CCDC33: variants seen among roughly 807,000 people sequenced by gnomAD.
CCDC33 encodes coiled-coil domain containing 33, also known as coiled-coil domain-containing protein 33.
In CCDC33, 94 loss-of-function variants were observed where a neutral mutation model predicts 91.9. That is an observed-to-expected ratio of 1.02 (90% CI 0.87 to 1.21). The LOEUF (loss-of-function observed/expected upper bound fraction) is 1.21, where lower values mean the gene tolerates loss of function less well. Among genes scored for constraint, CCDC33 ranks in the 50% most tolerant of loss-of-function variants. CCDC33 has a pLI of 0.00. For synonymous variants in CCDC33, 396 were observed against 374.5 expected, an observed-to-expected ratio of 1.06 and a Z score of -0.66; for missense variants, 940 against 935.5, an observed-to-expected ratio of 1.00 and a Z score of -0.06.
At chr15:74,324,553 G>C (rs1272574126) in intron 11 of CCDC33, among the ~76,000 whole-genome samples, 5 of 151,850 alleles carry the variant, frequency 3.3e-5, no homozygotes, top group African/African-American at 1.2e-4. Context: ...TACCTCTCTG[G>C]CAATTGCGCT....
In CCDC33 at chr15:74,268,405, C is replaced by G. The variant is rs781660538; in HGVS notation, c.493C>G (p.Arg165Gly). 21 of 1,592,376 alleles carry G rather than the reference C, an allele frequency of 1.3e-5. No individual in the cohort carries two copies. The highest frequency in any genetic ancestry group is 1.8e-5 in the Non-Finnish European group (21 of 1,169,544). ...AKTQLYATVV[R>G]KSSFIPRYIG... is the part of the protein sequence containing the mutation. ...GACCCAGTTGTACGCAACAGTCGTT[C>G]GGAAGAGCAGCTTCATACCCCGCTA... is the stretch of plus-strand genomic sequence containing the variant. The change falls in exon 5 of 19, where the codon CGG becomes GGG. Residue 165 changes from arginine to glycine, a missense_variant. Coordinates refer to ENST00000398814, the MANE Select transcript of CCDC33 (RefSeq NM_025055.5).
chr15:74,280,580 G>GTGTATAA, intron 8 of CCDC33, 88 bp from the exon 9 acceptor site: 1 of 1,389,292 alleles, frequency 7.2e-7, no homozygotes, highest in Non-Finnish European at 9.5e-7. Flanking sequence ...GCAGGCAGCG[G>GTGTATAA]GAGACAGGAG....
At chr15:74,234,412 C>T (rs138387342), upstream of CCDC33, among the ~76,000 whole-genome samples, 380 of 152,268 alleles carry the variant, frequency 2.5e-3, 2 homozygotes, top group Middle Eastern at 6.8e-3. Flanking sequence ...TAGAGCTCAC[C>T]TTGCTGGAGG....
chr15:74,262,631 A>G (rs1595973158), intron 3 of CCDC33, 58 bp downstream of exon 3: 2 of 1,548,794 alleles, frequency 1.3e-6, no homozygotes, highest in African/African-American at 2.7e-5. Context: ...ACAGCCAAGG[A>G]CTTAGAGCAA....
intron 2 of CCDC33, among the ~76,000 whole-genome samples, chr15:74,211,876 C>A (rs2074372183): frequency 6.6e-6 from 1 of 152,106 alleles, no homozygotes; most frequent in South Asian, 2.1e-4. Context: ...CCTCCTCCTT[C>A]TTTCTCTGTC....
Position 74,244,005 on chromosome 15 carries a change from G to T in CCDC33, c.42G>T (p.Glu14Asp). 1.2e-6 allele frequency: 2 copies of T among 1,612,594 alleles called. No homozygotes were observed. The highest frequency in any genetic ancestry group is 1.7e-6 in the Non-Finnish European group (2 of 1,179,618). Residue 14 changes from glutamate (E) to aspartate (D), a missense_variant, in exon 2 of 19, where the codon GAG becomes GAT. Glu to Asp is a conservative substitution (Grantham distance 45). Transcript: ENST00000398814. This position sits in a 1 kb window ranked among gnomAD's most constrained non-coding sequence, Gnocchi z 4.2. ...CACAGAACACTGAAGACCCAGAGGA[G>T]CCCCTGATCGCCTCCCAGAGCACGG... Reference protein sequence around the residue: ...KNKKNTEDPEEPLIASQSTEP... With the variant: ...KNKKNTEDPEDPLIASQSTEP...
At chr15:74,207,677 G>C (rs947520424) in intron 1 of CCDC33, 1 of 1,533,414 alleles carries the variant, frequency 6.5e-7, no homozygotes, top group African/African-American at 1.4e-5. Flanking sequence ...CAGGAGTGGG[G>C]GGATGGCCAC....
At chr15:74,219,848 C>G (rs1040436289) in intron 2 of CCDC33, among the ~76,000 whole-genome samples, 2 of 152,184 alleles carry the variant, frequency 1.3e-5, no homozygotes, top group African/African-American at 4.8e-5. Context: ...CCATGATACA[C>G]TGGCTAAGAG....
upstream of CCDC33, among the ~76,000 whole-genome samples, chr15:74,232,497 C>T (rs145201801): frequency 2.9e-3 from 443 of 152,274 alleles, 1 homozygote; most frequent in African/African-American, 0.01. Flanking sequence ...GGAAAGTGTG[C>T]CTCTCTCCCA....
Position 74,229,144 on chromosome 15 carries a change from C to G in CCDC33, c.675+10283C>G, listed in dbSNP as rs145302910. On this transcript the variant is annotated intron_variant, in intron 2 of 2. Coordinates refer to the CCDC33 transcript ENST00000635913. Reference sequence around the variant, plus strand: ...AGAGTGCTGTGATTAAGGCCACAGTCTCTGCAGCTAGGTGGCCTAAGTCTG... The same window carrying G: ...AGAGTGCTGTGATTAAGGCCACAGTGTCTGCAGCTAGGTGGCCTAAGTCTG... 2.0e-3 allele frequency among the ~76,000 whole-genome samples: 305 copies of G among 152,322 alleles called. 1 individual carries two copies. The highest frequency in any genetic ancestry group is 7.1e-3 in the African/African-American group (295 of 41,578).
chr15:74,217,531 G>T (rs1343340340), exon 1 of CCDC33: 1 of 1,281,140 alleles, frequency 7.8e-7, no homozygotes, highest in East Asian at 5.6e-5. Context: ...CAGGAGCCTG[G>T]CCAGAGCCTC....
At chr15:74,235,738 C>T (rs116206798), upstream of CCDC33, among the ~76,000 whole-genome samples, 881 of 152,306 alleles carry the variant, frequency 5.8e-3, 9 homozygotes, top group African/African-American at 0.02. Flanking sequence ...AGAACTGAAC[C>T]ATAATCTTTG....
At chr15:74,331,347 G>A (rs1474201569) in intron 15 of CCDC33, 51 bp downstream of exon 15, 1 of 1,578,924 alleles carries the variant, frequency 6.3e-7, no homozygotes, top group Non-Finnish European at 8.7e-7. Context: ...CTCCACCCCT[G>A]GAGGCCCTGC....
rs774607705 is a variant in CCDC33, at chr15:74,262,504, C to A, written c.250C>A (p.Pro84Thr). 5 of 1,613,882 alleles carry A rather than the reference C, an allele frequency of 3.1e-6. No homozygotes were observed. In the African/African-American group the frequency reaches 6.7e-5, roughly 22 times the overall value. Residue 84 changes from proline (P) to threonine (T), a missense_variant, in exon 3 of 19, where the codon CCC becomes ACC. Physicochemically the swap from Pro to Thr is conservative, Grantham distance 38. Transcript: ENST00000398814. ...SKAVTSVTSE[P>T]TRAPIWGDTV... ...GGCAGTCACATCTGTGACCTCAGAG[C>A]CCACCAGAGCCCCTATCTGGGGGGA...
rs183869385 is a variant in CCDC33 at position 74,280,592 on chromosome 15, A to G, written c.890-76A>G. ...AAAGCAGGCAGCGGGAGACAGGAGG[A>G]CTGGATGTCAGGTATTAAAGGATGG... On this transcript the variant is annotated intron_variant, in intron 8 of 18. Transcript: ENST00000398814. 4.8e-5 allele frequency: 67 copies of G among 1,408,624 alleles called. No individual in the cohort carries two copies. In the East Asian group the frequency reaches 7.9e-4, roughly 17 times the overall value. 87.3% of individuals were successfully genotyped at this position (1,408,624 alleles called of 1,614,324 possible).
chr15:74,244,885 C>T lies in CCDC33; in HGVS notation c.185+737C>T, dbSNP rs193032408. Among the ~76,000 whole-genome samples, 13 of 152,288 alleles carry T rather than the reference C, an allele frequency of 8.5e-5. No individual in the cohort carries two copies. The highest frequency in any genetic ancestry group is 5.9e-4 in the Admixed American group (9 of 15,308). On this transcript the variant is annotated intron_variant, in intron 2 of 18. Coordinates refer to ENST00000398814, the MANE Select transcript of CCDC33 (RefSeq NM_025055.5). The surrounding 1 kb of genome is among the most constrained non-coding windows in gnomAD (Gnocchi z 4.2). ...CCCTAGACCTTCTATAGACAGACGG[C>T]GGGAGCCTTGGTGGCCTCCCACCAA...
chr15:74,307,031 G>T (rs909166140), intron 11 of CCDC33, among the ~76,000 whole-genome samples: 1 of 152,166 alleles, frequency 6.6e-6, no homozygotes, highest in East Asian at 1.9e-4. Flanking sequence ...GCCTCCTGGC[G>T]CTGCTCCTTA....
At chr15:74,258,557 G>A (rs1043266121) in intron 2 of CCDC33, among the ~76,000 whole-genome samples, 1 of 152,194 alleles carries the variant, frequency 6.6e-6, no homozygotes, top group South Asian at 2.1e-4. Flanking sequence ...TGGGTAACAA[G>A]AGTGGGTACA....
intron 4 of CCDC33, 38 bp downstream of exon 4, chr15:74,266,825 T>C: frequency 6.7e-7 from 1 of 1,482,598 alleles, no homozygotes; most frequent in Non-Finnish European, 9.4e-7. Context: ...GGAGAGCAGG[T>C]GGGAACCACC....
Sources: gnomAD v4.1 joint callset for allele counts (sites outside exome capture counted in the v4.1 genomes callset) on GRCh38, gnomAD v4.1.1 for gene constraint, Gnocchi (gnomAD v3.1) non-coding constraint, MANE v1.5 for transcripts, NCBI Gene and HGNC (gene_info 2026-07-23, HGNC 2026-07-21) for gene names.